The following TRERF1 variants were observed in gnomAD, a reference collection of about 807,000 sequenced individuals.
TRERF1 encodes transcriptional regulating factor 1.
Under a neutral mutation model 122.9 loss-of-function variants are expected in TRERF1, and 27 were observed. That is an observed-to-expected ratio of 0.22 (90% CI 0.16 to 0.30). The LOEUF is 0.30. Ranked by LOEUF, TRERF1 falls within the 10% of genes least tolerant of loss-of-function variation. The probability of loss-of-function intolerance (pLI) is 1.00; values close to 1 mark genes in which losing one functional copy is unlikely to be tolerated. For missense variants in TRERF1, 1,248 were observed against 1,560.3 expected (o/e 0.80, Z 3.37); for synonymous variants, 636 against 641.7 (o/e 0.99, Z 0.13).
At chr6:42,288,290 C>T (rs1487076572) in intron 4 of TRERF1, among the ~76,000 whole-genome samples, 3 of 151,950 alleles carry the variant, frequency 2.0e-5, no homozygotes, top group East Asian at 1.9e-4. Flanking sequence ...GGCCGAGGGC[C>T]GGGCACCGTG....
intron 4 of TRERF1, among the ~76,000 whole-genome samples, chr6:42,299,116 C>CTGTCTGTATCTATCTA (rs10627056): frequency 0.017 from 2,407 of 141,780 alleles, 85 homozygotes; most frequent in East Asian, 0.086. Context: ...GTCTGTCTGT[C>CTGTCTGTATCTATCTA]TCTATCTATC....
At chr6:42,354,612 T>A (rs915564808) in intron 3 of TRERF1, among the ~76,000 whole-genome samples, 6 of 152,176 alleles carry the variant, frequency 3.9e-5, no homozygotes, top group African/African-American at 1.4e-4. Flanking sequence ...TATTGAATAA[T>A]TTTTCCTTCC....
intron 3 of TRERF1, among the ~76,000 whole-genome samples, chr6:42,338,537 G>GCA (rs1766640941): frequency 6.6e-6 from 1 of 152,168 alleles, no homozygotes; most frequent in Admixed American, 6.5e-5. Context: ...AAATTAACAA[G>GCA]CACTCTCCTG....
rs555971968 is a variant in TRERF1 at position 42,347,648 on chromosome 6, G to A, written c.-371+15349C>T. ...ACCAACTGATCACCGCTTCTCCTTCGCATGGCAGTATGTGCTGTGGAGGAC... is the reference window on the plus strand; with the variant it reads ...ACCAACTGATCACCGCTTCTCCTTCACATGGCAGTATGTGCTGTGGAGGAC... On this transcript the variant is annotated intron_variant, in intron 3 of 17. Transcript: ENST00000372922. 7.2e-5 allele frequency among the ~76,000 whole-genome samples: 11 copies of A among 152,220 alleles called. No individual in the cohort carries two copies. The South Asian group carries it at 1.5e-3, about 20-fold the overall frequency.
intron 2 of TRERF1, among the ~76,000 whole-genome samples, chr6:42,420,294 C>G (rs556946087): frequency 6.6e-6 from 1 of 152,290 alleles, no homozygotes; most frequent in African/African-American, 2.4e-5. Context: ...AAAGAGGCCC[C>G]CTAAACTATG....
intron 2 of TRERF1, among the ~76,000 whole-genome samples, chr6:42,436,814 A>AAATATATATAT (rs61427173): frequency 3.6e-4 from 24 of 66,682 alleles, no homozygotes; most frequent in South Asian, 1.8e-3. Context: ...AAAAAAAAAA[A>AAATATATATAT]ATATATATAT....
chr6:42,363,938 T>C (rs1266676610), intron 2 of TRERF1, among the ~76,000 whole-genome samples: 2 of 152,120 alleles, frequency 1.3e-5, no homozygotes, highest in Non-Finnish European at 2.9e-5. Context: ...TGGTACTTGG[T>C]TATAGCAGCC....
At chr6:42,431,059 C>CAAAAAAAAAAA (rs535412294) in intron 2 of TRERF1, among the ~76,000 whole-genome samples, 1 of 68,688 alleles carries the variant, frequency 1.5e-5, no homozygotes. Flanking sequence ...GACTCAGTCT[C>CAAAAAAAAAAA]AAAAAAAAAA....
intron 13 of TRERF1, among the ~76,000 whole-genome samples, 186 bp from the exon 14 acceptor site, chr6:42,246,730 C>T (rs1015158900): frequency 3.3e-5 from 5 of 152,216 alleles, no homozygotes; most frequent in Admixed American, 3.3e-4. Context: ...GTTCAAGTCC[C>T]AGCTATGGCC....
chr6:42,370,791 T>C (rs556493284), intron 2 of TRERF1, among the ~76,000 whole-genome samples: 1 of 152,218 alleles, frequency 6.6e-6, no homozygotes, highest in South Asian at 2.1e-4. Context: ...TGTCCTCACA[T>C]AGGTATAAAG....
At chr6:42,270,219 G>T (rs1325579230) in intron 4 of TRERF1, among the ~76,000 whole-genome samples, 1 of 152,090 alleles carries the variant, frequency 6.6e-6, no homozygotes, top group African/African-American at 2.4e-5. Flanking sequence ...ATATATATAT[G>T]AAACAGGAGA....
intron 3 of TRERF1, among the ~76,000 whole-genome samples, chr6:42,355,151 T>C (rs1770257068): frequency 6.6e-6 from 1 of 152,174 alleles, no homozygotes; most frequent in African/African-American, 2.4e-5. Flanking sequence ...AGGTAACGAG[T>C]GATGCCTTTA....
intron 4 of TRERF1, among the ~76,000 whole-genome samples, chr6:42,294,472 G>A (rs1042359123): frequency 9.9e-5 from 15 of 151,984 alleles, no homozygotes; most frequent in Non-Finnish European, 5.9e-5. Flanking sequence ...GAGCCACCGC[G>A]CCCGGCCTTA....
intron 2 of TRERF1, among the ~76,000 whole-genome samples, chr6:42,432,519 A>G (rs1328695097): frequency 1.3e-5 from 2 of 152,248 alleles, no homozygotes; most frequent in African/African-American, 2.4e-5. Context: ...CATAAAAGCC[A>G]TAACAGGGAG....
At chr6:42,411,138 A>G (rs1055053173) in intron 2 of TRERF1, among the ~76,000 whole-genome samples, 3 of 152,222 alleles carry the variant, frequency 2.0e-5, no homozygotes, top group African/African-American at 7.2e-5. Flanking sequence ...CATCTATTGA[A>G]GGTTACTAAG....
chr6:42,438,911 A>G (rs1785963838), intron 2 of TRERF1, among the ~76,000 whole-genome samples: 1 of 152,158 alleles, frequency 6.6e-6, no homozygotes, highest in Non-Finnish European at 1.5e-5. Context: ...AGGTGAGCAC[A>G]GGATGGGAGG....
intron 2 of TRERF1, among the ~76,000 whole-genome samples, chr6:42,390,676 G>A (rs1276865305): frequency 6.6e-6 from 1 of 152,100 alleles, no homozygotes; most frequent in Non-Finnish European, 1.5e-5. Context: ...AATCACAACC[G>A]CCCGGCCCTC....
At chr6:42,309,824 T>C (rs186237888) in intron 3 of TRERF1, among the ~76,000 whole-genome samples, 1 of 152,202 alleles carries the variant, frequency 6.6e-6, no homozygotes, top group African/African-American at 2.4e-5. Flanking sequence ...TCTCACTCTG[T>C]CACCCAGGCT....
rs753336796 is a variant in TRERF1, at chr6:42,263,313, T to C, written c.1884+7A>G. The C allele has an allele frequency of 6.2e-7, 1 of 1,608,226 alleles. No individual in the cohort carries two copies. Among genetic ancestry groups the C allele is most frequent in the Non-Finnish European group, 8.5e-7 (1 of 1,177,128 alleles). Reference sequence around the variant, plus strand: ...GGTGAGTGTGGGGGAGAGAGGGTCATCCTCACGAGCACAGGCATCTCGTCG... The same window carrying C: ...GGTGAGTGTGGGGGAGAGAGGGTCACCCTCACGAGCACAGGCATCTCGTCG... On this transcript the variant is annotated splice_region_variant and intron_variant, in intron 8 of 17. Coordinates refer to ENST00000372922, the Ensembl canonical transcript of TRERF1. This position sits in a 1 kb window ranked among gnomAD's most constrained non-coding sequence, Gnocchi z 5.6.
Sources: allele counts gnomAD v4.1 joint callset (sites outside exome capture counted in the v4.1 genomes callset), GRCh38; gene constraint gnomAD v4.1.1; non-coding constraint Gnocchi (gnomAD v3.1); transcripts MANE v1.5; gene names NCBI Gene and HGNC (gene_info 2026-07-23, HGNC 2026-07-21).